KCNH7: variants seen among roughly 807,000 people sequenced by gnomAD.
KCNH7 encodes the protein potassium voltage-gated channel subfamily H member 7.
In KCNH7, 49 loss-of-function variants were observed where a neutral mutation model predicts 120.8. The ratio of observed to expected loss-of-function variants is 0.41; its 90% CI spans 0.32 to 0.51. The LOEUF (loss-of-function observed/expected upper bound fraction) is 0.51, where lower values mean the gene tolerates loss of function less well. Among genes scored for constraint, KCNH7 ranks in the 20% least tolerant of loss-of-function variants. The pLI, the probability that KCNH7 is intolerant of heterozygous loss-of-function variation, is 0.38. For missense variants in KCNH7, 1,097 were observed against 1,446.6 expected, an observed-to-expected ratio of 0.76 and a Z score of 3.92; for synonymous variants, 547 against 516.1, an observed-to-expected ratio of 1.06 and a Z score of -0.81.
intron 6 of KCNH7, among the ~76,000 whole-genome samples, chr2:162,481,800 G>C (rs1045559520): frequency 6.6e-6 from 1 of 152,128 alleles, no homozygotes; most frequent in African/African-American, 2.4e-5. Context: ...TAAATAAAAT[G>C]TGCAGTTTAT....
At chr2:162,506,837 A>G (rs1219139795) in intron 5 of KCNH7, among the ~76,000 whole-genome samples, 1 of 151,870 alleles carries the variant, frequency 6.6e-6, no homozygotes, top group Non-Finnish European at 1.5e-5. Context: ...CAACTATGGT[A>G]GTATTTCATT....
At chr2:162,820,103 T>C (rs890461313) in intron 2 of KCNH7, among the ~76,000 whole-genome samples, 14 of 143,766 alleles carry the variant, frequency 9.7e-5, no homozygotes, top group African/African-American at 3.4e-4. Flanking sequence ...GCAGTGGCGC[T>C]ATCTCAGCTC....
intron 2 of KCNH7, among the ~76,000 whole-genome samples, chr2:162,751,487 T>C (rs986951381): frequency 2.0e-5 from 3 of 152,094 alleles, no homozygotes. Flanking sequence ...ATAACTGATG[T>C]TATATTTGCC....
rs979146342 is a variant in KCNH7 at position 162,535,848 on chromosome 2, A to G, written c.463+1077T>C. On this transcript the variant is annotated intron_variant, in intron 3 of 15. Coordinates refer to ENST00000332142, the MANE Select transcript of KCNH7 (RefSeq NM_033272.4). ...ATCAACAGAACAGAATAGAAAATCC[A>G]GGAATAGATTCAAGCACATATGGAA... Among the ~76,000 whole-genome samples, 7 of 151,870 alleles carry G rather than the reference A, an allele frequency of 4.6e-5. No individual in the cohort carries two copies. In the East Asian group the frequency reaches 9.7e-4, roughly 21 times the overall value.
At chr2:162,742,938 A>C (rs1015910727) in intron 2 of KCNH7, among the ~76,000 whole-genome samples, 1 of 152,236 alleles carries the variant, frequency 6.6e-6, no homozygotes, top group African/African-American at 2.4e-5. Context: ...TAATACATTC[A>C]GGTTTTAGGT....
intron 2 of KCNH7, among the ~76,000 whole-genome samples, chr2:162,813,118 T>C (rs921997992): frequency 1.3e-4 from 20 of 152,258 alleles, no homozygotes; most frequent in South Asian, 6.2e-4. Flanking sequence ...CAAAGTCAGA[T>C]AGAACAAAGA....
chr2:162,772,118 T>C (rs1217112942), intron 2 of KCNH7: 1 of 152,212 alleles, frequency 6.6e-6, no homozygotes, highest in Non-Finnish European at 1.5e-5. Context: ...TTATATAAGA[T>C]GATGAATCTC....
chr2:162,527,654 C>T (rs137931742), intron 3 of KCNH7, among the ~76,000 whole-genome samples: 1,853 of 151,964 alleles, frequency 0.012, 33 homozygotes, highest in African/African-American at 0.041. Flanking sequence ...TGTGGTTAGG[C>T]TTAGCTTCAG....
intron 2 of KCNH7, among the ~76,000 whole-genome samples, chr2:162,750,515 A>G (rs1688501271): frequency 6.6e-6 from 1 of 152,178 alleles, no homozygotes; most frequent in African/African-American, 2.4e-5. Flanking sequence ...CATAACCCAT[A>G]AAGTGTGTGC....
intron 2 of KCNH7, among the ~76,000 whole-genome samples, chr2:162,795,026 T>TTAAA: frequency 6.6e-6 from 1 of 152,188 alleles, no homozygotes; most frequent in East Asian, 1.9e-4. Flanking sequence ...GACCAGTTGG[T>TTAAA]CAGTAGTTAA....
chr2:162,392,162 G>A (rs1686763159), intron 12 of KCNH7, among the ~76,000 whole-genome samples: 1 of 152,030 alleles, frequency 6.6e-6, no homozygotes, highest in Non-Finnish European at 1.5e-5. Context: ...AAGAGAAAGA[G>A]AAGCTTTACA....
At chr2:162,777,310 C>T (rs1683277969) in intron 2 of KCNH7, among the ~76,000 whole-genome samples, 1 of 152,086 alleles carries the variant, frequency 6.6e-6, no homozygotes, top group African/African-American at 2.4e-5. Context: ...CTCTACATTA[C>T]TTATAATACT....
chr2:162,524,777 C>T (rs943937840), intron 3 of KCNH7, among the ~76,000 whole-genome samples: 1 of 151,856 alleles, frequency 6.6e-6, no homozygotes, highest in African/African-American at 2.4e-5. Context: ...GCTGCCTTTT[C>T]TTTTTAGGAA....
At chr2:162,564,920 C>T (rs1693200465) in intron 2 of KCNH7, among the ~76,000 whole-genome samples, 1 of 152,076 alleles carries the variant, frequency 6.6e-6, no homozygotes, top group Non-Finnish European at 1.5e-5. Context: ...AAAAATAACT[C>T]TAATGTTGGG....
intron 2 of KCNH7, among the ~76,000 whole-genome samples, chr2:162,669,600 C>A (rs553412682): frequency 6.6e-6 from 1 of 152,120 alleles, no homozygotes. Context: ...TTTTGGTACC[C>A]ATATTTGCAC....
In KCNH7 at chr2:162,583,963, T is replaced by A. The variant is rs544569474; in HGVS notation, c.308-46883A>T. Among the ~76,000 whole-genome samples, 80 of 152,250 alleles carry A rather than the reference T, an allele frequency of 5.3e-4. 2 individuals are homozygous for A. Among genetic ancestry groups the A allele is most frequent in the African/African-American group, 1.8e-3 (75 of 41,566 alleles). On this transcript the variant is annotated intron_variant, in intron 2 of 15. Coordinates refer to ENST00000332142, the MANE Select transcript of KCNH7 (RefSeq NM_033272.4). ...GGCTTTCAGATTTTAGAAAGGGCAGTACCCAATAATCAAGCACATTGATAT... is the reference window on the plus strand; with the variant it reads ...GGCTTTCAGATTTTAGAAAGGGCAGAACCCAATAATCAAGCACATTGATAT...
At chr2:162,691,402 A>T (rs571050138) in intron 2 of KCNH7, among the ~76,000 whole-genome samples, 1 of 152,280 alleles carries the variant, frequency 6.6e-6, no homozygotes, top group South Asian at 2.1e-4. Context: ...ATTTTTACCT[A>T]TAAACTCAAT....
At chr2:162,404,837 G>A (rs1281809658) in intron 9 of KCNH7, among the ~76,000 whole-genome samples, 1 of 151,974 alleles carries the variant, frequency 6.6e-6, no homozygotes, top group African/African-American at 2.4e-5. Context: ...AAGCATGGGA[G>A]CATAACAATG....
intron 2 of KCNH7, among the ~76,000 whole-genome samples, chr2:162,610,262 C>G (rs1352382658): frequency 6.6e-6 from 1 of 152,134 alleles, no homozygotes; most frequent in African/African-American, 2.4e-5. Flanking sequence ...CACCTGAACA[C>G]CTGGGGACTC....
Sources: gnomAD v4.1 joint callset for allele counts (sites outside exome capture counted in the v4.1 genomes callset) on GRCh38, gnomAD v4.1.1 for gene constraint, MANE v1.5 for transcripts, NCBI Gene and HGNC (gene_info 2026-07-23, HGNC 2026-07-21) for gene names.